The following SNTB1 variants were observed in gnomAD, a reference collection of about 807,000 sequenced individuals.
The protein encoded by SNTB1 is syntrophin beta 1.
SNTB1 carries 36 observed loss-of-function variants against 48.9 expected under a neutral mutation model. That is an observed-to-expected ratio of 0.74 (90% confidence interval 0.56 to 0.97). The LOEUF (loss-of-function observed/expected upper bound fraction) is 0.97. SNTB1 is among the 50% of genes least tolerant of loss of function. SNTB1 has a pLI of 0.00. For synonymous variants in SNTB1, 299 were observed against 294.6 expected, an observed-to-expected ratio of 1.01 and a Z score of -0.15; for missense variants, 786 against 703.4, an observed-to-expected ratio of 1.12 and a Z score of -1.33.
chr8:120,691,640 G>A (rs1189759436), intron 2 of SNTB1, among the ~76,000 whole-genome samples: 6 of 152,116 alleles, frequency 3.9e-5, no homozygotes, highest in Non-Finnish European at 7.4e-5. Flanking sequence ...AACATCACCA[G>A]TTCTTCCCAC....
At chr8:120,741,388 C>A (rs889680112) in intron 1 of SNTB1, among the ~76,000 whole-genome samples, 1 of 152,186 alleles carries the variant, frequency 6.6e-6, no homozygotes, top group Non-Finnish European at 1.5e-5. Context: ...GTGGGCAGAT[C>A]ACCTGGGGTT....
intron 1 of SNTB1, among the ~76,000 whole-genome samples, chr8:120,804,141 G>A (rs146035398): frequency 6.6e-6 from 1 of 151,992 alleles, no homozygotes; most frequent in East Asian, 1.9e-4. Flanking sequence ...GTCATAAAAC[G>A]GGCAACTAAT....
intron 1 of SNTB1, among the ~76,000 whole-genome samples, chr8:120,780,810 C>T (rs2130128493): frequency 6.6e-6 from 1 of 152,312 alleles, no homozygotes; most frequent in East Asian, 1.9e-4. Flanking sequence ...ATAAGTGGTA[C>T]TTCTTAAAGA....
At chr8:120,598,807 T>G (rs1188221066) in intron 3 of SNTB1, among the ~76,000 whole-genome samples, 1 of 152,218 alleles carries the variant, frequency 6.6e-6, no homozygotes, top group East Asian at 1.9e-4. Context: ...CTTCTAGAGC[T>G]GCATTTTTTT....
intron 2 of SNTB1, among the ~76,000 whole-genome samples, chr8:120,644,410 A>G (rs199908553): frequency 5.1e-4 from 75 of 146,632 alleles, no homozygotes; most frequent in African/African-American, 1.8e-3. Flanking sequence ...AGAATATGCG[A>G]TGTTTGGTTT....
chr8:120,652,779 A>G (rs1053728190), intron 2 of SNTB1, among the ~76,000 whole-genome samples: 16 of 152,186 alleles, frequency 1.1e-4, no homozygotes, highest in African/African-American at 3.9e-4. Flanking sequence ...ACCTGATGTT[A>G]GTAGTTGTCA....
chr8:120,811,759 A>C lies in SNTB1; in HGVS notation c.85T>G (p.Leu29Val). The part of the protein sequence containing the change: ...RAQRSGLLEV[L>V]VRDRWHKVLV... The stretch of plus-strand genomic sequence containing the variant: ...ACTTTGTGCCAGCGATCCCGCACCA[A>C]AACTTCCAGCAGCCCGCTCCGCTGC... The change falls in exon 1 of 7, where the codon TTG becomes GTG. Residue 29 changes from leucine (L) to valine (V), a missense_variant. Transcript: ENST00000517992. The C allele has an allele frequency of 1.3e-6, 2 of 1,539,738 alleles. 1 individual carries two copies. The highest frequency in any genetic ancestry group is 2.4e-5 in the South Asian group (2 of 81,768).
At chr8:120,542,632 C>T (rs1032522006) in intron 5 of SNTB1, among the ~76,000 whole-genome samples, 15 of 151,870 alleles carry the variant, frequency 9.9e-5, no homozygotes, top group East Asian at 7.8e-4. Flanking sequence ...CCAGCCTGGG[C>T]GACAGAGCAA....
intron 1 of SNTB1, among the ~76,000 whole-genome samples, chr8:120,787,529 T>C (rs545843810): frequency 4.6e-5 from 7 of 152,168 alleles, no homozygotes; most frequent in African/African-American, 7.2e-5. Context: ...AGGTACATAT[T>C]TTAAAGAAAA....
At chr8:120,606,504 A>C (rs6990705) in intron 3 of SNTB1, among the ~76,000 whole-genome samples, 126,912 of 151,466 alleles carry the variant, frequency 0.84, 54,005 homozygotes, top group Middle Eastern at 0.91. Context: ...TAAAGAAGAC[A>C]AGATTTGAGT....
chr8:120,674,973 G>A (rs1189739424), intron 2 of SNTB1, among the ~76,000 whole-genome samples: 2 of 152,158 alleles, frequency 1.3e-5, no homozygotes, highest in Non-Finnish European at 2.9e-5. Context: ...GTTTTGCTGA[G>A]GCAAACAGAG....
intron 1 of SNTB1, among the ~76,000 whole-genome samples, chr8:120,739,804 A>C (rs1459154297): frequency 6.6e-6 from 1 of 152,190 alleles, no homozygotes; most frequent in Non-Finnish European, 1.5e-5. Flanking sequence ...AGTGCTTTTT[A>C]ACTCTTCTTT....
At chr8:120,549,049 G>A in intron 4 of SNTB1, 91 bp from the exon 5 acceptor site, 1 of 1,050,794 alleles carries the variant, frequency 9.5e-7, no homozygotes, top group Non-Finnish European at 1.4e-6. Flanking sequence ...TTGGTGATCT[G>A]CTCTCATTTT....
chr8:120,755,396 A>G (rs929047873), intron 1 of SNTB1, among the ~76,000 whole-genome samples: 1 of 152,154 alleles, frequency 6.6e-6, no homozygotes, highest in East Asian at 1.9e-4. Flanking sequence ...ATTTCAGAGG[A>G]GGAGGGTGTG....
rs1233511204 is a variant in SNTB1 at position 120,548,829 on chromosome 8, G to A, written c.1266C>T (p.Ser422=). ...LFRAETSRDL[S]HWTRSIVQGC... ...CCTGTACTATGCTCCTTGTCCAGTG[G>A]GAGAGGTCCCTGCTGGTCTCTGCTC... The change falls in exon 5 of 7, where the codon TCC becomes TCT. Residue 422 remains serine (S), a synonymous_variant. Coordinates refer to ENST00000517992, the MANE Select transcript of SNTB1 (RefSeq NM_021021.4). 5.0e-6 allele frequency: 8 copies of A among 1,614,004 alleles called. No homozygotes were observed. The highest frequency in any genetic ancestry group is 6.8e-6 in the Non-Finnish European group (8 of 1,180,012).
At chr8:120,654,121 G>C (rs374992732) in intron 2 of SNTB1, among the ~76,000 whole-genome samples, 16 of 136,564 alleles carry the variant, frequency 1.2e-4, no homozygotes, top group African/African-American at 3.5e-4. Context: ...CAGTTTTATA[G>C]CCCAGAAAGA....
At chr8:120,602,316 T>C (rs1255565426) in intron 3 of SNTB1, among the ~76,000 whole-genome samples, 2 of 152,216 alleles carry the variant, frequency 1.3e-5, no homozygotes, top group Non-Finnish European at 2.9e-5. Context: ...AGCTAGGCTA[T>C]GGTATGCCAC....
At chr8:120,754,043 A>G (rs986019178) in intron 1 of SNTB1, among the ~76,000 whole-genome samples, 1 of 152,170 alleles carries the variant, frequency 6.6e-6, no homozygotes, top group Non-Finnish European at 1.5e-5. Context: ...AACTAATACC[A>G]TGGATAAAAG....
chr8:120,630,525 C>T (rs1384379423), intron 3 of SNTB1, among the ~76,000 whole-genome samples: 1 of 152,156 alleles, frequency 6.6e-6, no homozygotes, highest in African/African-American at 2.4e-5. Context: ...TGATCCCTTT[C>T]GACCTTCCCA....
Sources: gnomAD v4.1 joint callset for allele counts (sites outside exome capture counted in the v4.1 genomes callset) on GRCh38, gnomAD v4.1.1 for gene constraint, MANE v1.5 for transcripts, NCBI Gene and HGNC (gene_info 2026-07-23, HGNC 2026-07-21) for gene names.